DHCR24: variants seen among roughly 807,000 people sequenced by gnomAD.
The protein encoded by DHCR24 is 24-dehydrocholesterol reductase.
Under a neutral mutation model 61.2 loss-of-function variants are expected in DHCR24, and 28 were observed. That is an observed-to-expected ratio of 0.46 (90% CI 0.34 to 0.63). The LOEUF is 0.63. DHCR24 is among the 20% of genes least tolerant of loss of function. DHCR24 has a pLI of 0.01. For synonymous variants in DHCR24, 261 were observed against 275.9 expected (o/e 0.95, Z 0.54); for missense variants, 538 against 679.1 (o/e 0.79, Z 2.31).
At chr1:54,865,222 A>G (rs1646961175) in intron 6 of DHCR24, 81 bp downstream of exon 6, 7 of 1,521,100 alleles carry the variant, frequency 4.6e-6, no homozygotes, top group Non-Finnish European at 6.3e-6. Flanking sequence ...GAAGGGAGAG[A>G]GTATGGCTAC....
rs192034056 is a variant in DHCR24, at chr1:54,880,125, G to C, written c.387+3493C>G. Among the ~76,000 whole-genome samples, 767 of 152,258 alleles carry C rather than the reference G, an allele frequency of 5.0e-3. 5 individuals carry two copies. The highest frequency in any genetic ancestry group is 0.026 in the East Asian group (133 of 5,190). On this transcript the variant is annotated intron_variant, in intron 2 of 8. Coordinates refer to ENST00000371269, the MANE Select transcript of DHCR24 (RefSeq NM_014762.4). Reference sequence around the variant, plus strand: ...TTAGCCAGACTGTTCAGGAAAAAAAGAGAACAGAAACAAAATACCAGTATC... The same window carrying C: ...TTAGCCAGACTGTTCAGGAAAAAAACAGAACAGAAACAAAATACCAGTATC...
chr1:54,856,551 A>G (rs1006274257), intron 6 of DHCR24, among the ~76,000 whole-genome samples: 10 of 152,230 alleles, frequency 6.6e-5, no homozygotes, highest in African/African-American at 2.4e-4. Context: ...GCAGTGAGCC[A>G]AGATTGCACC....
chr1:54,851,919 T>C lies in DHCR24; in HGVS notation c.*314A>G. ...AACTCAGATGACAACAACCTGCAAG[T>C]AGGTATTACTATCCCTTTCAACTAA... On this transcript the variant is annotated 3_prime_UTR_variant, in exon 9 of 9. Coordinates refer to ENST00000371269, the MANE Select transcript of DHCR24 (RefSeq NM_014762.4). 1 of 405,104 alleles carries C rather than the reference T, an allele frequency of 2.5e-6. No homozygotes were observed. The highest frequency in any genetic ancestry group is 5.3e-5 in the East Asian group (1 of 18,862). The allele number at this position is 405,104 out of a possible 1,614,324, so 25.1% of individuals were successfully genotyped here.
Position 54,887,177 on chromosome 1 carries a change from T to G in DHCR24, c.-58A>C. 6.9e-7 allele frequency: 1 copy of G among 1,445,734 alleles called. No homozygotes were observed. The highest frequency in any genetic ancestry group is 9.4e-7 in the Non-Finnish European group (1 of 1,068,028). 89.6% of individuals were successfully genotyped at this position (1,445,734 alleles called of 1,614,324 possible). ...CGCGCCTCCTGTCACTGCCGCCAGC[T>G]CCGCGCCTGGCCCGCTCTGCGCCTG... is the stretch of plus-strand genomic sequence containing the variant. On this transcript the variant is annotated 5_prime_UTR_variant, in exon 1 of 9. Coordinates refer to ENST00000371269, the MANE Select transcript of DHCR24 (RefSeq NM_014762.4).
At chr1:54,882,393 G>C (rs956706395) in intron 2 of DHCR24, among the ~76,000 whole-genome samples, 2 of 152,196 alleles carry the variant, frequency 1.3e-5, no homozygotes, top group African/African-American at 4.8e-5. Context: ...GCTGCTGGTG[G>C]AAATGTAAAA....
chr1:54,883,759 C>T lies in DHCR24; in HGVS notation c.246G>A (p.Lys82=). ...RDIQKQVREW[K]EQGSKTFMCT... is the part of the protein sequence containing the mutation. ...ACATGAAGGTCTTGCTACCCTGCTC[C>T]TTCCATTCCCGCACCTGCAACCACA... Residue 82 remains lysine, a synonymous_variant, in exon 2 of 9, where the codon AAG becomes AAA. Transcript: ENST00000371269. This position sits in a 1 kb window ranked among gnomAD's most constrained non-coding sequence, Gnocchi z 4.3. 1.2e-6 allele frequency: 2 copies of T among 1,614,200 alleles called. No individual in the cohort carries two copies. The highest frequency in any genetic ancestry group is 1.7e-6 in the Non-Finnish European group (2 of 1,180,030).
At chr1:54,879,322 GAAAAAAAAAAAA>G (rs58945175) in intron 2 of DHCR24, among the ~76,000 whole-genome samples, 73 of 108,474 alleles carry the variant, frequency 6.7e-4, no homozygotes, top group South Asian at 1.1e-3. Context: ...GACTCCATCT[GAAAAAAAAAAAA>G]AAAAAAAAAA....
intron 2 of DHCR24, among the ~76,000 whole-genome samples, chr1:54,878,309 C>CA (rs1647045422): frequency 6.7e-6 from 1 of 150,162 alleles, no homozygotes; most frequent in African/African-American, 2.5e-5. Context: ...AGTTTGAGAC[C>CA]AGCCTGGCCA....
intron 5 of DHCR24, among the ~76,000 whole-genome samples, chr1:54,865,780 A>ATC (rs1298347682): frequency 6.6e-6 from 1 of 152,160 alleles, no homozygotes; most frequent in African/African-American, 2.4e-5. Context: ...TGCCCCATGC[A>ATC]GGGGAATTCC....
intron 5 of DHCR24, among the ~76,000 whole-genome samples, chr1:54,870,896 GA>G (rs1274235433): frequency 3.3e-5 from 5 of 151,676 alleles, no homozygotes; most frequent in African/African-American, 1.2e-4. Flanking sequence ...TCTAAATGGA[GA>G]AAAAACTGCT....
intron 5 of DHCR24, among the ~76,000 whole-genome samples, chr1:54,868,343 G>A (rs1016986831): frequency 2.6e-5 from 4 of 150,972 alleles, no homozygotes; most frequent in Non-Finnish European, 4.4e-5. Flanking sequence ...GGTGGTGGGC[G>A]CCTGTAGTCC....
chr1:54,860,567 T>G (rs1646930222), intron 6 of DHCR24, among the ~76,000 whole-genome samples: 1 of 152,240 alleles, frequency 6.6e-6, no homozygotes, highest in Non-Finnish European at 1.5e-5. Flanking sequence ...TGGAAACATG[T>G]GCCCAATACC....
chr1:54,852,886 A>G (rs557015409), intron 8 of DHCR24, among the ~76,000 whole-genome samples: 79 of 152,238 alleles, frequency 5.2e-4, no homozygotes, highest in African/African-American at 1.9e-3. Context: ...CCAGGCAACT[A>G]CTGATGCGCT....
chr1:54,872,671 C>T (rs1647005999), intron 4 of DHCR24, among the ~76,000 whole-genome samples: 2 of 152,198 alleles, frequency 1.3e-5, no homozygotes, highest in African/African-American at 4.8e-5. Context: ...GCTTCCCATA[C>T]AGGACCTACT....
intron 4 of DHCR24, among the ~76,000 whole-genome samples, chr1:54,872,143 G>C (rs1002778): frequency 1.3e-5 from 2 of 152,056 alleles, no homozygotes; most frequent in African/African-American, 4.8e-5. Flanking sequence ...GACAAGTAAA[G>C]AAACTGAGTC....
rs1381506919 is a variant in DHCR24, at chr1:54,850,215, T to G, written c.*2018A>C. The G allele has an allele frequency of 6.6e-6, 1 of 152,244 alleles. No homozygotes were observed. Among genetic ancestry groups the G allele is most frequent in the African/African-American group, 2.4e-5 (1 of 41,464 alleles). The allele number at this position is 152,244 out of a possible 1,614,324, so 9.4% of individuals were successfully genotyped here. ...AAGGGCGACAGAGGCTGCTGGCATC[T>G]CTGGCCACCGTCCCAGTGGCTTAGG... On this transcript the variant is annotated 3_prime_UTR_variant, in exon 9 of 9. Coordinates refer to ENST00000371269, the MANE Select transcript of DHCR24 (RefSeq NM_014762.4).
At position 54,875,678 on chromosome 1, in the gene DHCR24, G is replaced by T. The variant is rs626452; in HGVS notation, c.493+264C>A. ...TACTTATTCTGTGTGTTCCATGGGG[G>T]GGAATTGGAGCAATGGGAACAAGTC... On this transcript the variant is annotated intron_variant, in intron 3 of 8. Coordinates refer to ENST00000371269, the MANE Select transcript of DHCR24 (RefSeq NM_014762.4). Among the ~76,000 whole-genome samples the T allele has an allele frequency of 0.61, 93,214 of 151,858 alleles. 29,076 individuals are homozygous for T. Among genetic ancestry groups the T allele is most frequent in the South Asian group, 0.78 (3,739 of 4,816 alleles).
intron 6 of DHCR24, 121 bp downstream of exon 6, chr1:54,865,182 G>C: frequency 1.6e-6 from 2 of 1,269,874 alleles, no homozygotes. Flanking sequence ...AGGCATTGCA[G>C]TTCCTTAGGA....
chr1:54,862,548 TTCC>T (rs1454724587), intron 6 of DHCR24, among the ~76,000 whole-genome samples: 1 of 152,178 alleles, frequency 6.6e-6, no homozygotes, highest in Non-Finnish European at 1.5e-5. Flanking sequence ...CCTTGGCTAG[TTCC>T]TCCTCCCCTA....
Sources: allele counts gnomAD v4.1 joint callset (sites outside exome capture counted in the v4.1 genomes callset), GRCh38; gene constraint gnomAD v4.1.1; non-coding constraint Gnocchi (gnomAD v3.1); transcripts MANE v1.5; gene names NCBI Gene and HGNC (gene_info 2026-07-23, HGNC 2026-07-21).